SLC16A5: variants seen among roughly 807,000 people sequenced by gnomAD.
SLC16A5 encodes solute carrier family 16 member 5.
A neutral mutation model predicts 33.2 loss-of-function variants in SLC16A5; 29 were observed. The ratio of observed to expected loss-of-function variants is 0.87; its 90% CI spans 0.65 to 1.19. SLC16A5 has a LOEUF of 1.19. Among genes scored for constraint, SLC16A5 ranks in the 50% most tolerant of loss-of-function variants. The pLI is 0.00. For synonymous variants in SLC16A5, 248 were observed against 284.1 expected (o/e 0.87, Z 1.28); for missense variants, 606 against 678.2 (o/e 0.89, Z 1.18).
chr17:75,090,942 A>T (rs895817968), intron 2 of SLC16A5, among the ~76,000 whole-genome samples: 1 of 152,224 alleles, frequency 6.6e-6, no homozygotes, highest in African/African-American at 2.4e-5. Flanking sequence ...TGCCCCAAAA[A>T]GTGGATGCTG....
intron 6 of SLC16A5, chr17:75,105,612 GTCA>G: frequency 1.0e-6 from 1 of 985,354 alleles, no homozygotes; most frequent in Non-Finnish European, 1.2e-6. Context: ...GGGGCTGGCT[GTCA>G]TCAGCCCATT....
Position 75,100,332 on chromosome 17 carries a change from C to T in SLC16A5, c.669C>T (p.Ile223=). ...GCCTGGCTGCATGCGGCCGGACCAT[C>T]CAGCGCCACCTGGCCTTCGACATCC... ...LGCLAACGRT[I]QRHLAFDILR... is the part of the protein sequence containing the mutation. The change falls in exon 5 of 7, where the codon ATC becomes ATT. Residue 223 remains isoleucine, a synonymous_variant. Transcript: ENST00000329783. The T allele has an allele frequency of 6.2e-7, 1 of 1,614,228 alleles. No individual in the cohort carries two copies.
At chr17:75,101,561 GAAAAAAAAAAA>G (rs531652324) in intron 5 of SLC16A5, among the ~76,000 whole-genome samples, 5,808 of 45,860 alleles carry the variant, frequency 0.13, 592 homozygotes, top group African/African-American at 0.33. Context: ...GACTCCATCT[GAAAAAAAAAAA>G]AAAAAAAAAA....
intron 4 of SLC16A5, 119 bp from the exon 5 acceptor site, chr17:75,099,888 C>A: frequency 1.1e-6 from 1 of 949,020 alleles, no homozygotes; most frequent in Non-Finnish European, 1.5e-6. Flanking sequence ...GGACTTGGAG[C>A]TGGGTATGGA....
At chr17:75,100,971 C>A (rs11077775) in intron 5 of SLC16A5, among the ~76,000 whole-genome samples, 155 bp downstream of exon 5, 6 of 151,874 alleles carry the variant, frequency 4.0e-5, no homozygotes, top group South Asian at 2.1e-4. Context: ...GGGTTTGGCC[C>A]GGCGCGGTGG....
chr17:75,095,861 G>A lies in SLC16A5; in HGVS notation c.199+2026G>A, dbSNP rs375174197. Reference sequence around the variant, plus strand: ...TTTTTAGTAGAGACGGGGTTTCACCGTGTTAGCCAGGATGGTCTCGATCTC... The same window carrying A: ...TTTTTAGTAGAGACGGGGTTTCACCATGTTAGCCAGGATGGTCTCGATCTC... On this transcript the variant is annotated intron_variant, in intron 3 of 6. Transcript: ENST00000329783. Among the ~76,000 whole-genome samples, 58 of 151,804 alleles carry A rather than the reference G, an allele frequency of 3.8e-4. 4 individuals carry two copies. The highest frequency in any genetic ancestry group is 1.3e-3 in the African/African-American group (54 of 41,180).
downstream of SLC16A5, chr17:75,106,267 A>C: frequency 2.9e-6 from 1 of 347,368 alleles, no homozygotes; most frequent in East Asian, 4.7e-5. Flanking sequence ...CCAGTCTTAC[A>C]CTTGGCTGCC....
chr17:75,105,043 C>A, intron 6 of SLC16A5: 1 of 985,472 alleles, frequency 1.0e-6, no homozygotes, highest in African/African-American at 1.7e-5. Flanking sequence ...TCCCAAGTGA[C>A]CCAGCCCTCA....
At chr17:75,106,497 A>T (rs140881601), downstream of SLC16A5, among the ~76,000 whole-genome samples, 333 of 151,978 alleles carry the variant, frequency 2.2e-3, 1 homozygote, top group Middle Eastern at 6.8e-3. Context: ...GCGCACATGT[A>T]ATCCCAGCTA....
downstream of SLC16A5, among the ~76,000 whole-genome samples, chr17:75,107,487 G>A (rs1224188696): frequency 6.6e-6 from 1 of 152,202 alleles, no homozygotes; most frequent in Non-Finnish European, 1.5e-5. Context: ...ACCCCAAGGA[G>A]GGCCCCTCCC....
intron 2 of SLC16A5, among the ~76,000 whole-genome samples, chr17:75,092,946 G>A (rs1480395193): frequency 5.9e-5 from 9 of 151,934 alleles, no homozygotes; most frequent in East Asian, 1.9e-4. Flanking sequence ...CAAAGGGGCC[G>A]ATGGGAAAGG....
intron 2 of SLC16A5, chr17:75,093,137 T>C (rs1288894106): frequency 6.5e-6 from 3 of 464,944 alleles, no homozygotes; most frequent in Non-Finnish European, 1.2e-5. Context: ...TCTGTGTTTG[T>C]ATGCAGGAAC....
At chr17:75,103,818 C>A in intron 5 of SLC16A5, 152 bp from the exon 6 acceptor site, 1 of 674,814 alleles carries the variant, frequency 1.5e-6, no homozygotes, top group Non-Finnish European at 2.6e-6. Flanking sequence ...CCCCTCCTTT[C>A]ATTCTTCAAG....
In SLC16A5 at chr17:75,096,465, G is replaced by C. The variant is rs570358335; in HGVS notation, c.200-1573G>C. ...CCCCCTCTACAGGGGCAGAGACGCC[G>C]GGCCACCAGCCTCTGCTTGATTATG... On this transcript the variant is annotated intron_variant, in intron 3 of 6. Transcript: ENST00000329783. Among the ~76,000 whole-genome samples, 7 of 151,364 alleles carry C rather than the reference G, an allele frequency of 4.6e-5. No individual in the cohort carries two copies. The South Asian group carries it at 1.5e-3, about 31-fold the overall frequency.
At chr17:75,093,965 AC>A in intron 3 of SLC16A5, 130 bp downstream of exon 3, 1 of 1,316,400 alleles carries the variant, frequency 7.6e-7, no homozygotes, top group Non-Finnish European at 1.0e-6. Context: ...CTAAGGTTTC[AC>A]CAGATTTCAC....
chr17:75,092,727 CGT>C (rs199767682), intron 2 of SLC16A5, among the ~76,000 whole-genome samples: 234 of 150,264 alleles, frequency 1.6e-3, no homozygotes, highest in African/African-American at 5.5e-3. Flanking sequence ...TGTGTGTGTG[CGT>C]GTGTCTGTAT....
chr17:75,089,772 A>C (rs969546811), intron 2 of SLC16A5: 1 of 151,446 alleles, frequency 6.6e-6, no homozygotes, highest in Non-Finnish European at 1.5e-5. Flanking sequence ...AAAAAAAAAA[A>C]AAAAGGCGAG....
chr17:75,092,557 C>T (rs183453669), intron 2 of SLC16A5, among the ~76,000 whole-genome samples: 19 of 152,140 alleles, frequency 1.2e-4, no homozygotes, highest in Admixed American at 8.5e-4. Flanking sequence ...GATCTTCTGA[C>T]CTCATGATCT....
At chr17:75,097,014 TG>T (rs2073729280) in intron 3 of SLC16A5, among the ~76,000 whole-genome samples, 1 of 151,194 alleles carries the variant, frequency 6.6e-6, no homozygotes, top group African/African-American at 2.4e-5. Context: ...TTAGTAGAGA[TG>T]GGGTTTCACC....
Sources: allele counts gnomAD v4.1 joint callset (sites outside exome capture counted in the v4.1 genomes callset), GRCh38; gene constraint gnomAD v4.1.1; transcripts MANE v1.5; gene names NCBI Gene and HGNC (gene_info 2026-07-23, HGNC 2026-07-21).